Variants in CASK observed in about 807,000 individuals in gnomAD.
CASK encodes peripheral plasma membrane protein CASK.
Under a neutral mutation model 82.9 loss-of-function variants are expected in CASK, and 4 were observed. The observed-to-expected ratio is 0.05, with a 90% confidence interval of 0.02 to 0.11. CASK has a LOEUF of 0.11. Among genes scored for constraint, CASK ranks in the 10% least tolerant of loss-of-function variants. The probability of loss-of-function intolerance (pLI) is 1.00; values close to 1 mark genes in which losing one functional copy is unlikely to be tolerated. For missense variants in CASK, 358 were observed against 720.9 expected (o/e 0.50, Z 5.76); for synonymous variants, 259 against 253.5 (o/e 1.02, Z -0.20).
In CASK at chrX:41,640,189, G is replaced by A. The variant is rs528681059; in HGVS notation, c.832-3528C>T. 1.2e-4 allele frequency among the ~76,000 whole-genome samples: 13 copies of A among 108,384 alleles called. No homozygotes were observed. In the South Asian group the frequency reaches 5.2e-3, roughly 43 times the overall value. The allele number at this position is 108,384 out of a possible 115,157, so 94.1% of individuals were successfully genotyped here. On this transcript the variant is annotated intron_variant, in intron 8 of 26. Transcript: ENST00000378163. ...ATACCATTTTACGTTCCTACTAACAGTGTTATGAGTTTCCATTGTTCTTTT... is the reference window on the plus strand; with the variant it reads ...ATACCATTTTACGTTCCTACTAACAATGTTATGAGTTTCCATTGTTCTTTT...
chrX:41,613,280 T>G (rs1175607027), intron 11 of CASK, among the ~76,000 whole-genome samples: 15 of 107,556 alleles, frequency 1.4e-4, no homozygotes, highest in Non-Finnish European at 2.9e-4. Context: ...CATTTTGTTC[T>G]GTACTAAGAA....
chrX:41,654,393 G>A (rs1240195917), intron 8 of CASK, among the ~76,000 whole-genome samples: 3 of 111,759 alleles, frequency 2.7e-5, no homozygotes, highest in Non-Finnish European at 5.6e-5. Flanking sequence ...GAATAGGGCC[G>A]GATGCTGTGG....
intron 5 of CASK, among the ~76,000 whole-genome samples, chrX:41,708,471 G>C (rs945421855): frequency 8.9e-6 from 1 of 112,144 alleles, no homozygotes; most frequent in South Asian, 3.6e-4. Context: ...AGTAACTCTT[G>C]TGATAATCAC....
chrX:41,578,170 A>G (rs189029942), intron 15 of CASK, among the ~76,000 whole-genome samples, 170 bp downstream of exon 15: 4 of 111,648 alleles, frequency 3.6e-5, no homozygotes, highest in Non-Finnish European at 7.5e-5. Context: ...CAGGCAGAAC[A>G]ATTCTAGAAA....
At position 41,790,110 on chromosome X, in the gene CASK, TAGTAGAGACTTTTTTTTTTCTTTC is replaced by T. The variant is rs1000948277; in HGVS notation, c.173-2851_173-2828del. On this transcript the variant is annotated intron_variant, in intron 2 of 26. Coordinates refer to ENST00000378163, the MANE Select transcript of CASK (RefSeq NM_001367721.1). ...ATGCCTGGCTAATTTTTTGCATTTT[TAGTAGAGACTTTTTTTTTTCTTTC>T]AGAAGCAAACCATCACAAATGAGGA... 1.3e-5 allele frequency: 8 copies of T among 612,119 alleles called. No homozygotes were observed. The African/African-American group carries it at 2.0e-4, about 16-fold the overall frequency. 50.4% of individuals were successfully genotyped at this position (612,119 alleles called of 1,213,427 possible). A position where few individuals can be genotyped will look rare whatever the true frequency, so the allele number is the denominator to read the frequency against.
intron 4 of CASK, among the ~76,000 whole-genome samples, chrX:41,744,408 C>T (rs1176020006): frequency 1.9e-5 from 2 of 107,853 alleles, no homozygotes; most frequent in Non-Finnish European, 3.8e-5. Flanking sequence ...TGCAATGGCA[C>T]GATCTCTGCT....
intron 8 of CASK, among the ~76,000 whole-genome samples, chrX:41,646,330 G>A (rs920791034): frequency 3.2e-4 from 36 of 111,134 alleles, no homozygotes; most frequent in African/African-American, 1.1e-3. Context: ...GACTCATATG[G>A]TCTAGTAATA....
intron 2 of CASK, among the ~76,000 whole-genome samples, chrX:41,818,940 TA>T (rs967407788): frequency 3.6e-5 from 4 of 110,381 alleles, no homozygotes; most frequent in Admixed American, 9.7e-5. Context: ...AAATTTCTAT[TA>T]AAAAAAAGGA....
At chrX:41,897,088 C>G (rs2072283192) in intron 1 of CASK, among the ~76,000 whole-genome samples, 1 of 111,443 alleles carries the variant, frequency 9.0e-6, no homozygotes, top group Non-Finnish European at 1.9e-5. Context: ...TTCTTCCTTT[C>G]TGATTTGGAT....
At position 41,573,847 on chromosome X, in the gene CASK, G is replaced by A. The variant is rs149185565; in HGVS notation, c.1504-4101C>T. On this transcript the variant is annotated intron_variant, in intron 15 of 26. Transcript: ENST00000378163. ...CATAGTTTGATCCTTTGGGTCTTGC[G>A]TTCATGATCCATTAGGCAGGTCTGG... 4.5e-3 allele frequency among the ~76,000 whole-genome samples: 503 copies of A among 111,602 alleles called. 4 individuals carry two copies. Among genetic ancestry groups the A allele is most frequent in the African/African-American group, 0.016 (485 of 30,731 alleles).
chrX:41,827,792 A>C (rs747737172), intron 2 of CASK, among the ~76,000 whole-genome samples: 1 of 112,277 alleles, frequency 8.9e-6, no homozygotes, highest in Non-Finnish European at 1.9e-5. Flanking sequence ...TTTTAACACT[A>C]TTAAAAGAAG....
chrX:41,781,891 C>T (rs1294223519), intron 3 of CASK, among the ~76,000 whole-genome samples: 1 of 111,461 alleles, frequency 9.0e-6, no homozygotes, highest in Non-Finnish European at 1.9e-5. Flanking sequence ...GCTTCTGGCC[C>T]TTTTGAGAAA....
intron 8 of CASK, among the ~76,000 whole-genome samples, chrX:41,641,575 AG>A (rs2066654516): frequency 8.9e-6 from 1 of 111,936 alleles, no homozygotes; most frequent in Non-Finnish European, 1.9e-5. Context: ...GGTGTTAAAT[AG>A]GTATCATTTA....
At chrX:41,786,843 A>T (rs1383761354) in intron 3 of CASK, 1 of 225,962 alleles carries the variant, frequency 4.4e-6, no homozygotes, top group Non-Finnish European at 8.0e-6. Flanking sequence ...TGCTACATGG[A>T]TGCCTCCACT....
chrX:41,530,634 C>T (rs754796684), intron 25 of CASK, among the ~76,000 whole-genome samples: 3 of 112,381 alleles, frequency 2.7e-5, no homozygotes, highest in Non-Finnish European at 5.6e-5. Flanking sequence ...GATGGTCCAG[C>T]GTGAGCTGTA....
At chrX:41,846,747 A>T (rs1469040425) in intron 2 of CASK, among the ~76,000 whole-genome samples, 3 of 111,718 alleles carry the variant, frequency 2.7e-5, no homozygotes, top group African/African-American at 6.5e-5. Flanking sequence ...ATTAAAAATT[A>T]AAAAAATAAG....
At chrX:41,704,044 T>A (rs367656506) in intron 5 of CASK, among the ~76,000 whole-genome samples, 4 of 111,196 alleles carry the variant, frequency 3.6e-5, no homozygotes, top group Admixed American at 2.9e-4. Flanking sequence ...CCCTCCCTTT[T>A]CCCCTAATGA....
intron 5 of CASK, chrX:41,695,519 A>G: frequency 2.0e-6 from 1 of 506,504 alleles, no homozygotes; most frequent in Non-Finnish European, 3.4e-6. Context: ...TGTTATTAAA[A>G]TAGCAAATGA....
intron 2 of CASK, among the ~76,000 whole-genome samples, chrX:41,800,481 A>G (rs2069971006): frequency 9.0e-6 from 1 of 110,578 alleles, no homozygotes; most frequent in Non-Finnish European, 1.9e-5. Context: ...ATTTTTATTT[A>G]TTTTTATTTT....
Sources: gnomAD v4.1 joint callset for allele counts (sites outside exome capture counted in the v4.1 genomes callset) on GRCh38, gnomAD v4.1.1 for gene constraint, MANE v1.5 for transcripts, NCBI Gene and HGNC (gene_info 2026-07-23, HGNC 2026-07-21) for gene names.